KIAA2012: variants seen among roughly 807,000 people sequenced by gnomAD.
KIAA2012 encodes the protein uncharacterized protein KIAA2012.
A neutral mutation model predicts 150.6 loss-of-function variants in KIAA2012; 125 were observed. The observed-to-expected ratio is 0.83, with a 90% CI of 0.72 to 0.96. KIAA2012 has a LOEUF of 0.96. Ranked by LOEUF, KIAA2012 falls within the 40% of genes least tolerant of loss-of-function variation. KIAA2012 has a pLI of 0.00. For synonymous variants in KIAA2012, 462 were observed against 504.7 expected, an observed-to-expected ratio of 0.92 and a Z score of 1.13; for missense variants, 1,219 against 1,354.9, an observed-to-expected ratio of 0.90 and a Z score of 1.57.
intron 15 of KIAA2012, among the ~76,000 whole-genome samples, chr2:202,171,764 T>C (rs56124200): frequency 0.046 from 7,015 of 151,852 alleles, 550 homozygotes; most frequent in African/African-American, 0.16. Context: ...ACCCAAACAA[T>C]TGGACTTTTT....
intron 13 of KIAA2012, among the ~76,000 whole-genome samples, chr2:202,143,505 A>C (rs1358231833): frequency 6.6e-6 from 1 of 150,824 alleles, no homozygotes; most frequent in Non-Finnish European, 1.5e-5. Flanking sequence ...AAGTGCTGTC[A>C]TGCTAACTTG....
At chr2:202,144,681 C>T (rs1341580322) in intron 13 of KIAA2012, among the ~76,000 whole-genome samples, 2 of 152,100 alleles carry the variant, frequency 1.3e-5, no homozygotes, top group African/African-American at 2.4e-5. Context: ...GTTCCTGGTA[C>T]ATGGGAGCCA....
chr2:202,188,004 C>A, intron 17 of KIAA2012, 148 bp from the exon 18 acceptor site: 1 of 608,392 alleles, frequency 1.6e-6, no homozygotes, highest in South Asian at 2.5e-5. Context: ...GCTCTGCATT[C>A]TCTAAGATTC....
At chr2:202,097,345 A>T (rs1689911865) in intron 4 of KIAA2012, 90 bp from the exon 5 acceptor site, 25 of 1,519,922 alleles carry the variant, frequency 1.6e-5, no homozygotes, top group Admixed American at 2.1e-5. Flanking sequence ...ACTTTTACTC[A>T]GAGAAGCAAG....
At chr2:202,184,684 T>C (rs926095125) in intron 15 of KIAA2012, 69 bp from the exon 16 acceptor site, 2 of 1,124,330 alleles carry the variant, frequency 1.8e-6, no homozygotes, top group African/African-American at 3.3e-5. Flanking sequence ...GTAGATGTTT[T>C]TCCATGTCTG....
chr2:202,097,587 CTTT>C lies in KIAA2012; in HGVS notation c.828+24_828+26del, dbSNP rs11288166. On this transcript the variant is annotated intron_variant, in intron 5 of 23. Coordinates refer to ENST00000498697, the MANE Select transcript of KIAA2012 (RefSeq NM_001277372.4). Reference sequence around the variant, plus strand: ...TGAAACGCAGGCAGAGGTACCATTTCTTTTTTTTTTTTTTTTCCCCGAGACGGA... The same window carrying C: ...TGAAACGCAGGCAGAGGTACCATTTCTTTTTTTTTTTTTCCCCGAGACGGA... The C allele has an allele frequency of 1.1e-3, 1,554 of 1,407,962 alleles. No individual in the cohort carries two copies. Among genetic ancestry groups the C allele is most frequent in the Middle Eastern group, 2.3e-3 (9 of 3,888 alleles). The allele number at this position is 1,407,962 out of a possible 1,614,324, so 87.2% of individuals were successfully genotyped here. A position where few individuals can be genotyped will look rare whatever the true frequency, so the allele number is the denominator to read the frequency against.
At chr2:202,181,766 A>G (rs566426017) in intron 15 of KIAA2012, among the ~76,000 whole-genome samples, 87 of 152,270 alleles carry the variant, frequency 5.7e-4, no homozygotes, top group African/African-American at 2.0e-3. Flanking sequence ...GAGCATGGTG[A>G]GATTTTTTTG....
At chr2:202,083,834 C>T (rs184987554) in intron 2 of KIAA2012, among the ~76,000 whole-genome samples, 200 of 152,282 alleles carry the variant, frequency 1.3e-3, no homozygotes, top group Middle Eastern at 3.4e-3. Flanking sequence ...GCCCCAGTGA[C>T]ATTTTGATAC....
chr2:202,112,661 A>G (rs925510840), intron 10 of KIAA2012, among the ~76,000 whole-genome samples: 2 of 152,218 alleles, frequency 1.3e-5, no homozygotes, highest in African/African-American at 4.8e-5. Context: ...TTATAGGACA[A>G]CCAGTTGGTA....
chr2:202,179,646 G>A (rs1692075834), intron 15 of KIAA2012: 3 of 658,018 alleles, frequency 4.6e-6, no homozygotes, highest in Non-Finnish European at 8.8e-6. Flanking sequence ...CTTCTGTAAT[G>A]CAAGAATATA....
intron 23 of KIAA2012, among the ~76,000 whole-genome samples, chr2:202,203,547 A>G (rs1245929016): frequency 6.6e-6 from 1 of 152,192 alleles, no homozygotes; most frequent in African/African-American, 2.4e-5. Flanking sequence ...TTCTTCAGCC[A>G]CAACACCCCC....
In KIAA2012 at chr2:202,074,149, CA is replaced by C. The variant is rs954518439; in HGVS notation, c.84+447del. Among the ~76,000 whole-genome samples, 35 of 147,666 alleles carry C rather than the reference CA, an allele frequency of 2.4e-4. No individual in the cohort carries two copies. In the East Asian group the frequency reaches 3.9e-3, roughly 17 times the overall value. Reference sequence around the variant, plus strand: ...CACAGGACTCATATTTAATATAGGCCAAAAAAAAACCCACCTCATTTTAGAA... The same window carrying C: ...CACAGGACTCATATTTAATATAGGCCAAAAAAAACCCACCTCATTTTAGAA... On this transcript the variant is annotated intron_variant, in intron 1 of 23. Transcript: ENST00000498697.
intron 2 of KIAA2012, chr2:202,076,986 A>C (rs1689338507): frequency 2.2e-6 from 1 of 456,928 alleles, no homozygotes; most frequent in African/African-American, 2.0e-5. Context: ...GAAGAAGAGG[A>C]AGACCACAGT....
rs77161122 is a variant in KIAA2012 at position 202,147,596 on chromosome 2, C to T, written c.1909-7077C>T. Among the ~76,000 whole-genome samples, 987 of 152,272 alleles carry T rather than the reference C, an allele frequency of 6.5e-3. 5 individuals are homozygous for T. The highest frequency in any genetic ancestry group is 0.01 in the Non-Finnish European group (682 of 68,016). On this transcript the variant is annotated intron_variant, in intron 13 of 23. Coordinates refer to ENST00000498697, the MANE Select transcript of KIAA2012 (RefSeq NM_001277372.4). Reference sequence around the variant, plus strand: ...CCAGGACTACTTCAACTCCATAGTCCGGCTGAATTTGGGTTAAACTTTTAT... The same window carrying T: ...CCAGGACTACTTCAACTCCATAGTCTGGCTGAATTTGGGTTAAACTTTTAT...
At chr2:202,171,203 A>G (rs1302359673) in intron 15 of KIAA2012, among the ~76,000 whole-genome samples, 1 of 27,992 alleles carries the variant, frequency 3.6e-5, no homozygotes, top group Non-Finnish European at 9.7e-5. Flanking sequence ...ACAGACACAC[A>G]TGCACACACA....
At chr2:202,136,367 T>C (rs1441984249) in intron 12 of KIAA2012, 1 of 154,078 alleles carries the variant, frequency 6.5e-6, no homozygotes, top group African/African-American at 2.4e-5. Context: ...CTGGCGTTGT[T>C]CGTCCTTACA....
intron 15 of KIAA2012, chr2:202,179,825 A>G (rs1013303918): frequency 6.4e-6 from 4 of 620,610 alleles, no homozygotes; most frequent in Non-Finnish European, 1.2e-5. Flanking sequence ...GAGAAAAGAT[A>G]AAATGAAGAT....
chr2:202,142,334 T>A (rs959787707), intron 13 of KIAA2012, among the ~76,000 whole-genome samples: 5 of 152,168 alleles, frequency 3.3e-5, no homozygotes, highest in Non-Finnish European at 5.9e-5. Context: ...ACATGAAATA[T>A]CCATTGATTA....
intron 2 of KIAA2012, among the ~76,000 whole-genome samples, chr2:202,086,763 C>G (rs1689580320): frequency 6.6e-6 from 1 of 152,154 alleles, no homozygotes; most frequent in Non-Finnish European, 1.5e-5. Context: ...CACTCTGGCC[C>G]TAAATCTAGA....
Sources: gnomAD v4.1 joint callset for allele counts (sites outside exome capture counted in the v4.1 genomes callset) on GRCh38, gnomAD v4.1.1 for gene constraint, MANE v1.5 for transcripts, NCBI Gene and HGNC (gene_info 2026-07-23, HGNC 2026-07-21) for gene names.